The following MAGI2 variants were observed in gnomAD, a reference collection of about 807,000 sequenced individuals.
MAGI2 encodes the protein membrane-associated guanylate kinase, WW and PDZ domain-containing protein 2.
MAGI2 carries 35 observed loss-of-function variants against 133.3 expected under a neutral mutation model. That is an observed-to-expected ratio of 0.26 (90% CI 0.20 to 0.35). The LOEUF is 0.35. MAGI2 is among the 10% of genes least tolerant of loss of function. The probability of loss-of-function intolerance (pLI) is 1.00; values close to 1 mark genes in which losing one functional copy is unlikely to be tolerated. For synonymous variants in MAGI2, 729 were observed against 710.6 expected (o/e 1.03, Z -0.41); for missense variants, 1,636 against 1,863.4 (o/e 0.88, Z 2.25).
intron 20 of MAGI2, among the ~76,000 whole-genome samples, chr7:78,090,532 C>G (rs1229245411): frequency 6.6e-6 from 1 of 152,128 alleles, no homozygotes; most frequent in African/African-American, 2.4e-5. Flanking sequence ...CTATGGTTTT[C>G]CTACTGTCAA....
Position 79,400,137 on chromosome 7 carries a change from A to T in MAGI2, c.301+52883T>A, listed in dbSNP as rs1845366675. 1.3e-5 allele frequency among the ~76,000 whole-genome samples: 2 copies of T among 152,080 alleles called. 1 individual carries two copies. The highest frequency in any genetic ancestry group is 4.1e-4 in the South Asian group (2 of 4,820). ...CGCTATCCTTCTCTTCAATAAACAG[A>T]CATGCCTATGGGGAACAGGAAGAAG... On this transcript the variant is annotated intron_variant, in intron 1 of 21. Coordinates refer to ENST00000354212, the MANE Select transcript of MAGI2 (RefSeq NM_012301.4).
intron 12 of MAGI2, among the ~76,000 whole-genome samples, chr7:78,187,591 G>A (rs548168266): frequency 6.6e-6 from 1 of 152,284 alleles, no homozygotes; most frequent in East Asian, 1.9e-4. Flanking sequence ...TAAAGAGCCA[G>A]TTGGCTCATG....
At chr7:79,439,112 T>A (rs1199504446) in intron 1 of MAGI2, among the ~76,000 whole-genome samples, 1 of 152,192 alleles carries the variant, frequency 6.6e-6, no homozygotes, top group Admixed American at 6.6e-5. Flanking sequence ...AGGCAGATCA[T>A]CTTTTCCCTA....
chr7:78,085,469 G>A (rs766496119), intron 20 of MAGI2, among the ~76,000 whole-genome samples: 3 of 151,862 alleles, frequency 2.0e-5, no homozygotes, highest in Non-Finnish European at 4.4e-5. Context: ...GCTGCAGTGA[G>A]CCATGATTGC....
intron 5 of MAGI2, among the ~76,000 whole-genome samples, chr7:78,493,398 G>T (rs1477603114): frequency 1.3e-5 from 2 of 152,174 alleles, no homozygotes; most frequent in Non-Finnish European, 2.9e-5. Flanking sequence ...ACTATCCCGT[G>T]TCATTTCTCG....
intron 2 of MAGI2, among the ~76,000 whole-genome samples, chr7:78,848,430 T>A (rs1792822763): frequency 6.6e-6 from 1 of 152,032 alleles, no homozygotes; most frequent in Admixed American, 6.6e-5. Context: ...TCTCTTTCTA[T>A]CCTTGCCATC....
At position 78,383,402 on chromosome 7, in the gene MAGI2, T is replaced by C. The variant is rs1164989007; in HGVS notation, c.1046-14189A>G. ...TTTTTTACATATCTGTTAGTGTTTG[T>C]ATGTCTTCTTTTGAGAACTGTCTAT... On this transcript the variant is annotated intron_variant, in intron 6 of 21. Transcript: ENST00000354212. 2.0e-5 allele frequency among the ~76,000 whole-genome samples: 3 copies of C among 152,144 alleles called. No homozygotes were observed. In the East Asian group the frequency reaches 5.8e-4, roughly 29 times the overall value.
At chr7:79,191,529 T>A (rs1351215114) in intron 1 of MAGI2, among the ~76,000 whole-genome samples, 1 of 147,168 alleles carries the variant, frequency 6.8e-6, no homozygotes, top group African/African-American at 2.5e-5. Flanking sequence ...GTGATCCTCC[T>A]GCCTCAGCCT....
At chr7:78,573,365 A>AAAATATATATAT (rs1320390413) in intron 3 of MAGI2, among the ~76,000 whole-genome samples, 28 of 29,034 alleles carry the variant, frequency 9.6e-4, no homozygotes, top group African/African-American at 3.9e-3. Flanking sequence ...GAATCCTGGA[A>AAAATATATATAT]ATATATATAT....
Position 78,161,667 on chromosome 7 carries a change from T to TAA in MAGI2, c.2597-1396_2597-1395dup, listed in dbSNP as rs71515391. On this transcript the variant is annotated intron_variant, in intron 15 of 21. Transcript: ENST00000354212. The stretch of plus-strand genomic sequence containing the variant: ...AGAGACGTTTTGTTACATCGATACC[T>TAA]AAAAAAAAAAAAAAAAAAAAGAAAA... 6.5e-3 allele frequency among the ~76,000 whole-genome samples: 444 copies of TAA among 68,760 alleles called. 9 individuals carry two copies. Among genetic ancestry groups the TAA allele is most frequent in the East Asian group, 0.019 (36 of 1,856 alleles). The allele number at this position is 68,760 out of a possible 152,430, so 45.1% of individuals were successfully genotyped here.
intron 1 of MAGI2, among the ~76,000 whole-genome samples, chr7:79,309,204 A>G (rs1040918535): frequency 2.0e-5 from 3 of 151,968 alleles, no homozygotes; most frequent in Non-Finnish European, 2.9e-5. Flanking sequence ...AACAGTCTCA[A>G]TATGTGTGAT....
intron 21 of MAGI2, among the ~76,000 whole-genome samples, chr7:78,039,916 T>C (rs888374122): frequency 2.2e-4 from 33 of 152,208 alleles, no homozygotes; most frequent in Admixed American, 8.5e-4. Flanking sequence ...TTGAAGTCTA[T>C]AGACCCAGGC....
intron 2 of MAGI2, among the ~76,000 whole-genome samples, chr7:78,933,457 T>C (rs951774732): frequency 6.6e-6 from 1 of 152,270 alleles, no homozygotes; most frequent in Admixed American, 6.5e-5. Context: ...CAGTTGTGTA[T>C]GCTTGGCACA....
At chr7:78,882,316 G>A (rs1795943051) in intron 2 of MAGI2, among the ~76,000 whole-genome samples, 1 of 151,620 alleles carries the variant, frequency 6.6e-6, no homozygotes, top group Non-Finnish European at 1.5e-5. Context: ...ATTGAATCAG[G>A]AAGAAATTGA....
chr7:78,383,969 C>A (rs956265711), intron 6 of MAGI2, among the ~76,000 whole-genome samples: 1 of 151,956 alleles, frequency 6.6e-6, no homozygotes, highest in Non-Finnish European at 1.5e-5. Flanking sequence ...ATTTTTATAC[C>A]AATACCATGT....
chr7:78,812,110 G>A (rs1320627795), intron 2 of MAGI2, among the ~76,000 whole-genome samples: 2 of 152,116 alleles, frequency 1.3e-5, no homozygotes, highest in Admixed American at 6.6e-5. Flanking sequence ...CGGGAAAGGC[G>A]AGGAAATAGA....
At chr7:78,851,667 C>T (rs1055994275) in intron 2 of MAGI2, among the ~76,000 whole-genome samples, 8 of 152,082 alleles carry the variant, frequency 5.3e-5, no homozygotes, top group African/African-American at 1.9e-4. Context: ...TAATAAAAAT[C>T]ATATCACACT....
At chr7:79,417,798 A>T (rs939265617) in intron 1 of MAGI2, among the ~76,000 whole-genome samples, 2 of 152,076 alleles carry the variant, frequency 1.3e-5, no homozygotes, top group Admixed American at 1.3e-4. Flanking sequence ...TTTGGAAGAA[A>T]GTTCTAAAAA....
chr7:78,304,948 G>C (rs1436904979), intron 9 of MAGI2, among the ~76,000 whole-genome samples: 2 of 152,198 alleles, frequency 1.3e-5, no homozygotes, highest in Non-Finnish European at 2.9e-5. Flanking sequence ...GTGTGGAATG[G>C]AGTAGCACTT....
Sources: gnomAD v4.1 joint callset for allele counts (sites outside exome capture counted in the v4.1 genomes callset) on GRCh38, gnomAD v4.1.1 for gene constraint, MANE v1.5 for transcripts, NCBI Gene and HGNC (gene_info 2026-07-23, HGNC 2026-07-21) for gene names.